ALDH1L2: variants seen among roughly 807,000 people sequenced by gnomAD.
ALDH1L2 encodes the protein aldehyde dehydrogenase 1 family member L2.
In ALDH1L2, 91 loss-of-function variants were observed where a neutral mutation model predicts 111.0. That is an observed-to-expected ratio of 0.82 (90% CI 0.69 to 0.98). The LOEUF is 0.98. Among genes scored for constraint, ALDH1L2 ranks in the 50% least tolerant of loss-of-function variants. The pLI is 0.00. For synonymous variants in ALDH1L2, 374 were observed against 392.6 expected (o/e 0.95, Z 0.56); for missense variants, 995 against 1,126.8 (o/e 0.88, Z 1.67).
chr12:105,048,839 T>G (rs1316469665), intron 13 of ALDH1L2, among the ~76,000 whole-genome samples: 1 of 152,102 alleles, frequency 6.6e-6, no homozygotes, highest in East Asian at 1.9e-4. Flanking sequence ...GAGACCAGCC[T>G]GGCCAACATG....
chr12:105,075,352 A>C (rs1877987421), intron 1 of ALDH1L2, among the ~76,000 whole-genome samples: 1 of 152,226 alleles, frequency 6.6e-6, no homozygotes, highest in Non-Finnish European at 1.5e-5. Flanking sequence ...TGGGAGGCTG[A>C]GGCGGGTGAA....
At chr12:105,032,053 A>T (rs1874727268) in intron 19 of ALDH1L2, 119 bp from the exon 20 acceptor site, 1 of 1,028,062 alleles carries the variant, frequency 9.7e-7, no homozygotes, top group African/African-American at 1.6e-5. Context: ...TCTTTACAAT[A>T]GCACCGGAGG....
At chr12:105,046,235 T>TA (rs1875902776) in intron 15 of ALDH1L2, among the ~76,000 whole-genome samples, 1 of 122,418 alleles carries the variant, frequency 8.2e-6, no homozygotes, top group African/African-American at 3.2e-5. Flanking sequence ...TTTTTTTTTT[T>TA]TTTTTTTTTT....
rs377629098 is a variant in ALDH1L2, at chr12:105,070,723, G to T, written c.275C>A (p.Ala92Glu). The T allele has an allele frequency of 3.7e-6, 6 of 1,614,038 alleles. No individual in the cohort carries two copies. The African/African-American group carries it at 8.0e-5, about 22-fold the overall frequency. ...RVKGKTIKEVAEAYRSVGAEL... is the reference protein window; with the variant it reads ...RVKGKTIKEVEEAYRSVGAEL... ...TGCACCCACGGATCTGTAGGCTTCT[G>T]CCACTTCTTTGATGGTCTTGCCCTT... The change falls in exon 3 of 23, where the codon GCA (alanine) becomes GAA (glutamate). Residue 92 changes from alanine (A) to glutamate (E), a missense_variant. Coordinates refer to ENST00000258494, the MANE Select transcript of ALDH1L2 (RefSeq NM_001034173.4).
At chr12:105,045,498 ACATATT>A (rs1875787648) in intron 15 of ALDH1L2, among the ~76,000 whole-genome samples, 1 of 151,858 alleles carries the variant, frequency 6.6e-6, no homozygotes, top group Non-Finnish European at 1.5e-5. Flanking sequence ...TAATGAAACT[ACATATT>A]CATAAATATA....
intron 22 of ALDH1L2, 129 bp from the exon 23 acceptor site, chr12:105,024,608 T>G: frequency 1.2e-6 from 1 of 855,528 alleles, no homozygotes; most frequent in Non-Finnish European, 1.9e-6. Flanking sequence ...AAGCCAGTGC[T>G]TCTCACACTT....
At chr12:105,038,256 TC>T (rs1565953220) in intron 17 of ALDH1L2, 54 bp from the exon 18 acceptor site, 3 of 760,720 alleles carry the variant, frequency 3.9e-6, no homozygotes, top group East Asian at 3.0e-5. Context: ...TCTCTCTCTC[TC>T]TCTCACACAC....
Position 105,044,190 on chromosome 12 carries a change from A to G in ALDH1L2, c.1863+2520T>C, listed in dbSNP as rs74554188. Among the ~76,000 whole-genome samples, 966 of 152,318 alleles carry G rather than the reference A, an allele frequency of 6.3e-3. 13 individuals carry two copies. The highest frequency in any genetic ancestry group is 0.022 in the African/African-American group (921 of 41,566). On this transcript the variant is annotated intron_variant, in intron 15 of 22. Coordinates refer to ENST00000258494, the MANE Select transcript of ALDH1L2 (RefSeq NM_001034173.4). ...TTCCATGGAGACAGAAACTTTGTGT[A>G]TCTTCATCACTACTACCTATCTGGC... is the stretch of plus-strand genomic sequence containing the variant.
chr12:105,027,517 G>A (rs765017431), intron 21 of ALDH1L2, among the ~76,000 whole-genome samples: 4 of 152,140 alleles, frequency 2.6e-5, no homozygotes, highest in Non-Finnish European at 5.9e-5. Flanking sequence ...TCTGTGAGAG[G>A]GCTCTGCAGC....
At chr12:105,061,796 A>G in intron 7 of ALDH1L2, 44 bp from the exon 8 acceptor site, 1 of 1,612,262 alleles carries the variant, frequency 6.2e-7, no homozygotes, top group African/African-American at 1.3e-5. Context: ...GAGGATTGAG[A>G]CAATACAAAA....
intron 15 of ALDH1L2, among the ~76,000 whole-genome samples, chr12:105,045,410 A>C (rs186839012): frequency 2.3e-3 from 345 of 152,164 alleles, no homozygotes; most frequent in Non-Finnish European, 4.2e-3. Context: ...ATGCCCATTA[A>C]TTAGCAATAT....
intron 21 of ALDH1L2, 26 bp downstream of exon 21, chr12:105,030,298 A>C: frequency 1.3e-6 from 2 of 1,589,666 alleles, no homozygotes; most frequent in Non-Finnish European, 1.7e-6. Flanking sequence ...TCAAAACCTA[A>C]GTTACATTGT....
intron 5 of ALDH1L2, 126 bp from the exon 6 acceptor site, chr12:105,065,482 GT>G (rs1430835530): frequency 4.4e-6 from 3 of 687,154 alleles, no homozygotes; most frequent in African/African-American, 3.6e-5. Context: ...TTGCTTCTTA[GT>G]TTTATTTGGA....
At chr12:105,055,106 G>T (rs1413673061) in intron 10 of ALDH1L2, among the ~76,000 whole-genome samples, 1 of 152,152 alleles carries the variant, frequency 6.6e-6, no homozygotes, top group Non-Finnish European at 1.5e-5. Context: ...GCCCAGAAAA[G>T]ACCTCAGAAG....
chr12:105,061,178 A>G (rs1206065390), intron 8 of ALDH1L2, 106 bp from the exon 9 acceptor site: 3 of 927,440 alleles, frequency 3.2e-6, no homozygotes, highest in African/African-American at 1.6e-5. Context: ...TTGTACACTC[A>G]GCTGTACATA....
chr12:105,055,955 G>A (rs1377404851), intron 10 of ALDH1L2, among the ~76,000 whole-genome samples: 1 of 152,094 alleles, frequency 6.6e-6, no homozygotes, highest in East Asian at 1.9e-4. Context: ...AATCCCAGAA[G>A]GAGAGGAGAA....
In ALDH1L2 at chr12:105,068,698, T is replaced by C. The variant is rs762771972; in HGVS notation, c.594+21A>G. 5 of 1,433,212 alleles carry C rather than the reference T, an allele frequency of 3.5e-6. No homozygotes were observed. The Admixed American group carries it at 7.8e-5, about 22-fold the overall frequency. 88.8% of individuals were successfully genotyped at this position (1,433,212 alleles called of 1,614,324 possible). A position where few individuals can be genotyped will look rare whatever the true frequency, so the allele number is the denominator to read the frequency against. On this transcript the variant is annotated intron_variant, in intron 4 of 22. Coordinates refer to ENST00000258494, the MANE Select transcript of ALDH1L2 (RefSeq NM_001034173.4). ...AAAACTTTAAAGGTTTACTAAATTC[T>C]GGGTGGCAAAATATACTAACCATGG...
In ALDH1L2 at chr12:105,070,601, G is replaced by A; in HGVS notation, c.397C>T (p.Pro133Ser). 6.2e-7 allele frequency: 1 copy of A among 1,613,902 alleles called. No individual in the cohort carries two copies. Among genetic ancestry groups the A allele is most frequent in the Non-Finnish European group, 8.5e-7 (1 of 1,179,854 alleles). The change falls in exon 3 of 23, where the codon CCC becomes TCC. Residue 133 changes from proline (P) to serine (S), a missense_variant. Transcript: ENST00000258494. ...GSIIYHPSIL[P>S]RHRGASAINW... ...ATAGCAGAGGCTCCTCTGTGCCTGGGCAGGATGGATGGGTGATAAATGATA... is the reference window on the plus strand; with the variant it reads ...ATAGCAGAGGCTCCTCTGTGCCTGGACAGGATGGATGGGTGATAAATGATA...
chr12:105,068,899 A>G lies in ALDH1L2; in HGVS notation c.429-15T>C. 2 of 1,536,118 alleles carry G rather than the reference A, an allele frequency of 1.3e-6. No individual in the cohort carries two copies. Among genetic ancestry groups the G allele is most frequent in the Non-Finnish European group, 1.7e-6 (2 of 1,143,812 alleles). On this transcript the variant is annotated splice_polypyrimidine_tract_variant and intron_variant, in intron 3 of 22. Coordinates refer to ENST00000258494, the MANE Select transcript of ALDH1L2 (RefSeq NM_001034173.4). The stretch of plus-strand genomic sequence containing the variant: ...TAATTAGAGTCCTGTGAAAAGAAGA[A>G]TTTCAATTTAAAATGTTGGTTAACT...
Sources: allele counts gnomAD v4.1 joint callset (sites outside exome capture counted in the v4.1 genomes callset), GRCh38; gene constraint gnomAD v4.1.1; transcripts MANE v1.5; gene names NCBI Gene and HGNC (gene_info 2026-07-23, HGNC 2026-07-21).